The following DCT variants were observed in gnomAD, a reference collection of about 807,000 sequenced individuals.
DCT encodes L-dopachrome tautomerase.
A neutral mutation model predicts 53.0 loss-of-function variants in DCT; 47 were observed. The ratio of observed to expected loss-of-function variants is 0.89; its 90% CI spans 0.70 to 1.13. The LOEUF (loss-of-function observed/expected upper bound fraction) is 1.13, where lower values mean the gene tolerates loss of function less well. Among genes scored for constraint, DCT ranks in the 50% most tolerant of loss-of-function variants. DCT has a pLI of 0.00. For synonymous variants in DCT, 244 were observed against 237.0 expected (o/e 1.03, Z -0.27); for missense variants, 669 against 637.4 (o/e 1.05, Z -0.53).
intron 6 of DCT, among the ~76,000 whole-genome samples, chr13:94,458,668 G>T (rs757802870): frequency 5.9e-5 from 9 of 151,874 alleles, no homozygotes; most frequent in Non-Finnish European, 1.3e-4. Context: ...CGGGCGTGGT[G>T]GCGTGCAACT....
Position 94,469,031 on chromosome 13 carries a change from A to C in DCT, c.310T>G (p.Tyr104Asp). The C allele has an allele frequency of 6.2e-7, 1 of 1,612,238 alleles. No individual in the cohort carries two copies. The highest frequency in any genetic ancestry group is 8.5e-7 in the Non-Finnish European group (1 of 1,178,308). ...CCAAACTTGCAGTCTCCACAATTATAGCCGGCAAAGTTTCCTAGTTCACAA... is the reference window on the plus strand; with the variant it reads ...CCAAACTTGCAGTCTCCACAATTATCGCCGGCAAAGTTTCCTAGTTCACAA... ...TCKCTGNFAG[Y>D]NCGDCKFGWT... Residue 104 changes from tyrosine (Y) to aspartate (D), a missense_variant, in exon 2 of 8, where the codon TAT (tyrosine) becomes GAT (aspartate). Tyr to Asp is a radical substitution (Grantham distance 160). Transcript: ENST00000377028.
chr13:94,515,927 G>A, the DCT span, among the ~76,000 whole-genome samples: 3 of 152,110 alleles, frequency 2.0e-5, no homozygotes, highest in African/African-American at 7.2e-5. Flanking sequence ...AAAGCCATGG[G>A]GCTTAAAAAT....
upstream of DCT, among the ~76,000 whole-genome samples, chr13:94,483,829 C>A (rs1885549759): frequency 6.6e-6 from 1 of 152,098 alleles, no homozygotes; most frequent in Admixed American, 6.5e-5. Flanking sequence ...TAAATCTCCC[C>A]ATCAGCATGG....
intron 6 of DCT, 112 bp downstream of exon 6, chr13:94,459,979 C>T (rs1474064380): frequency 1.7e-6 from 2 of 1,150,770 alleles, no homozygotes; most frequent in Admixed American, 4.2e-5. Flanking sequence ...CATTTGCACA[C>T]ATCACATTGT....
chr13:94,443,382 G>T lies in DCT; in HGVS notation c.1381+54C>A. On this transcript the variant is annotated intron_variant, in intron 7 of 7. Coordinates refer to ENST00000377028, the MANE Select transcript of DCT (RefSeq NM_001922.5). ...CATTATAAAGAAAGAAAGCAAGAAAGCTAGCTTCTTTAGAAGATGAATGAA... is the reference window on the plus strand; with the variant it reads ...CATTATAAAGAAAGAAAGCAAGAAATCTAGCTTCTTTAGAAGATGAATGAA... 2.2e-6 allele frequency: 3 copies of T among 1,361,220 alleles called. No individual in the cohort carries two copies. The South Asian group carries it at 3.5e-5, about 16-fold the overall frequency. The allele number at this position is 1,361,220 out of a possible 1,614,324, so 84.3% of individuals were successfully genotyped here.
chr13:94,546,753 A>G, the DCT span, among the ~76,000 whole-genome samples: 1 of 152,148 alleles, frequency 6.6e-6, no homozygotes, highest in Admixed American at 6.6e-5. This position sits in a 1 kb window ranked among gnomAD's most constrained non-coding sequence, Gnocchi z 4.2. Flanking sequence ...GGTCATCATC[A>G]GTTTCCTGAT....
the DCT span, among the ~76,000 whole-genome samples, chr13:94,544,208 T>A: frequency 1.3e-5 from 2 of 152,160 alleles, no homozygotes; most frequent in African/African-American, 4.8e-5. Flanking sequence ...TGTATTCAAC[T>A]ATGCCTCCTA....
the DCT span, among the ~76,000 whole-genome samples, chr13:94,532,426 C>T: frequency 0.01 from 1,557 of 152,236 alleles, 27 homozygotes; most frequent in African/African-American, 0.035. Context: ...GAAAATGTGG[C>T]ATGTATACAC....
At chr13:94,527,867 T>C in the DCT span, among the ~76,000 whole-genome samples, 2 of 144,738 alleles carry the variant, frequency 1.4e-5, no homozygotes, top group Non-Finnish European at 3.0e-5. Context: ...TTCTAACCCA[T>C]CACAAGAAAG....
At chr13:94,494,585 C>T in the DCT span, among the ~76,000 whole-genome samples, 1 of 152,118 alleles carries the variant, frequency 6.6e-6, no homozygotes, top group Admixed American at 6.5e-5. Context: ...CCTTTACTCG[C>T]TAGCCTCCTG....
chr13:94,521,146 A>T, the DCT span, among the ~76,000 whole-genome samples: 1 of 152,160 alleles, frequency 6.6e-6, no homozygotes, highest in Admixed American at 6.5e-5. Flanking sequence ...GCAACTTACT[A>T]GTTGTGTGAT....
At chr13:94,507,065 A>G in the DCT span, among the ~76,000 whole-genome samples, 4 of 152,198 alleles carry the variant, frequency 2.6e-5, no homozygotes, top group South Asian at 8.3e-4. Flanking sequence ...AAAGACAAAG[A>G]CTAAGAACTG....
chr13:94,508,175 A>G, the DCT span, among the ~76,000 whole-genome samples: 1 of 152,252 alleles, frequency 6.6e-6, no homozygotes, highest in Non-Finnish European at 1.5e-5. Flanking sequence ...ATTGTTTGTC[A>G]TAATAACTAA....
chr13:94,468,563 A>C (rs1884382043), intron 2 of DCT, 183 bp downstream of exon 2: 1 of 616,510 alleles, frequency 1.6e-6, no homozygotes, highest in East Asian at 2.7e-5. Flanking sequence ...CATCCAATGC[A>C]CAGGAAGAAA....
chr13:94,549,353 G>T, the DCT span, among the ~76,000 whole-genome samples: 4 of 152,186 alleles, frequency 2.6e-5, no homozygotes, highest in African/African-American at 7.2e-5. Context: ...GCGCGGCCCC[G>T]TCTCGCCACC....
In DCT at chr13:94,465,636, T is replaced by C; in HGVS notation, c.860A>G (p.Asp287Gly). The change falls in exon 4 of 8, where the codon GAT (aspartate) becomes GGT (glycine). Residue 287 changes from aspartate (D) to glycine (G), a missense_variant. Transcript: ENST00000377028. Reference protein sequence around the residue: ...SRFSSWETVCDSLDDYNHLVT... With the variant: ...SRFSSWETVCGSLDDYNHLVT... ...TTGCAGGTACAGGAGCCATTACCTA[T>C]CACAGACAGTTTCCCAGCTGGAGAA... 1 of 1,613,228 alleles carries C rather than the reference T, an allele frequency of 6.2e-7. No homozygotes were observed. Among genetic ancestry groups the C allele is most frequent in the Non-Finnish European group, 8.5e-7 (1 of 1,179,576 alleles).
chr13:94,489,163 C>A, the DCT span, among the ~76,000 whole-genome samples: 3 of 151,848 alleles, frequency 2.0e-5, no homozygotes, highest in Non-Finnish European at 4.4e-5. Context: ...GAATTTTGAA[C>A]CATGCATGTA....
intron 7 of DCT, among the ~76,000 whole-genome samples, chr13:94,442,559 G>C (rs1405821733): frequency 6.6e-6 from 1 of 152,152 alleles, no homozygotes; most frequent in Non-Finnish European, 1.5e-5. Flanking sequence ...CCATATTGGG[G>C]CCTGGGCCAA....
the DCT span, among the ~76,000 whole-genome samples, chr13:94,533,177 C>T: frequency 5.4e-5 from 8 of 147,980 alleles, no homozygotes; most frequent in East Asian, 4.0e-4. Context: ...GGGAGAACAC[C>T]GTGGTTGAAA....
Sources: allele counts gnomAD v4.1 joint callset (sites outside exome capture counted in the v4.1 genomes callset), GRCh38; gene constraint gnomAD v4.1.1; non-coding constraint Gnocchi (gnomAD v3.1); transcripts MANE v1.5; gene names NCBI Gene and HGNC (gene_info 2026-07-23, HGNC 2026-07-21).